ZNF441: variants seen among roughly 807,000 people sequenced by gnomAD.
The protein encoded by ZNF441 is zinc finger protein 441.
ZNF441 carries 25 observed loss-of-function variants against 64.5 expected under a neutral mutation model. The ratio of observed to expected loss-of-function variants is 0.39; its 90% CI spans 0.28 to 0.54. ZNF441 has a LOEUF of 0.54. Ranked by LOEUF, ZNF441 falls within the 20% of genes least tolerant of loss-of-function variation. ZNF441 has a pLI of 0.70. For synonymous variants in ZNF441, 262 were observed against 268.0 expected (o/e 0.98, Z 0.22); for missense variants, 715 against 843.3 (o/e 0.85, Z 1.88).
In ZNF441 at chr19:11,772,731, G is replaced by A. The variant is rs901768611; in HGVS notation, c.4-4880G>A. On this transcript the variant is annotated intron_variant, in intron 1 of 3. Transcript: ENST00000357901. Reference sequence around the variant, plus strand: ...TACAGAAAACACAAAAAATTAGCAGGATGGGGTGGCACATCCAGCCACTCA... The same window carrying A: ...TACAGAAAACACAAAAAATTAGCAGAATGGGGTGGCACATCCAGCCACTCA... Among the ~76,000 whole-genome samples, 3 of 152,106 alleles carry A rather than the reference G, an allele frequency of 2.0e-5. No homozygotes were observed. The South Asian group carries it at 6.2e-4, about 32-fold the overall frequency.
chr19:11,778,966 C>T (rs2046645063), intron 3 of ZNF441, among the ~76,000 whole-genome samples: 1 of 152,148 alleles, frequency 6.6e-6, no homozygotes, highest in South Asian at 2.1e-4. Context: ...CCTTGTACAT[C>T]ATTCTGTCCA....
rs550069555 is a variant in ZNF441 at position 11,779,984 on chromosome 19, C to T, written c.195-35C>T. On this transcript the variant is annotated intron_variant, in intron 3 of 3. Transcript: ENST00000357901. Reference sequence around the variant, plus strand: ...TTATTAATACAAAATCATTTATAAACAAACCTTTACTAATGTACTTCTTAT... The same window carrying T: ...TTATTAATACAAAATCATTTATAAATAAACCTTTACTAATGTACTTCTTAT... The T allele has an allele frequency of 1.1e-3, 1,545 of 1,466,398 alleles. 28 individuals carry two copies. In the South Asian group the frequency reaches 0.018, roughly 17 times the overall value. 90.8% of individuals were successfully genotyped at this position (1,466,398 alleles called of 1,614,324 possible).
At chr19:11,770,762 T>G (rs540092486) in intron 1 of ZNF441, among the ~76,000 whole-genome samples, 8 of 152,182 alleles carry the variant, frequency 5.3e-5, no homozygotes, top group Admixed American at 5.2e-4. Context: ...TAATTTTTTG[T>G]GTTTTCTGTA....
chr19:11,767,560 C>T lies in ZNF441; in HGVS notation c.3+364C>T, dbSNP rs1366624291. Among the ~76,000 whole-genome samples, 3 of 152,068 alleles carry T rather than the reference C, an allele frequency of 2.0e-5. No homozygotes were observed. The highest frequency in any genetic ancestry group is 1.3e-4 in the Admixed American group (2 of 15,276). ...TTAATAGGGGGAGAGGGGAGGACAC[C>T]CCAGATCCGCCTTCCTGAGAGGTTT... On this transcript the variant is annotated intron_variant, in intron 1 of 3. Transcript: ENST00000357901. The surrounding 1 kb of genome is among the most constrained non-coding windows in gnomAD (Gnocchi z 5.1).
intron 1 of ZNF441, among the ~76,000 whole-genome samples, chr19:11,773,436 G>T (rs1360222040): frequency 1.3e-5 from 2 of 152,152 alleles, no homozygotes; most frequent in African/African-American, 2.4e-5. Context: ...TAAAATGAAA[G>T]AATCTGTAAA....
In ZNF441 at chr19:11,780,106, C is replaced by T. The variant is rs33949590; in HGVS notation, c.282C>T (p.Asn94=). ...PFTQTQDSIV[N]EKIPGVDPWE... ...CCCAGACTCAAGACAGTATTGTGAACGAGAAAATACCTGGAGTAGATCCAT... is the reference window on the plus strand; with the variant it reads ...CCCAGACTCAAGACAGTATTGTGAATGAGAAAATACCTGGAGTAGATCCAT... Residue 94 remains asparagine, a synonymous_variant, in exon 4 of 4, where the codon AAC becomes AAT. Coordinates refer to ENST00000357901, the MANE Select transcript of ZNF441 (RefSeq NM_152355.3). 0.075 allele frequency: 120,876 copies of T among 1,613,944 alleles called. 5,140 individuals are homozygous for T. The highest frequency in any genetic ancestry group is 0.098 in the Middle Eastern group (596 of 6,062).
At chr19:11,771,280 T>C (rs1232556353) in intron 1 of ZNF441, among the ~76,000 whole-genome samples, 1 of 152,136 alleles carries the variant, frequency 6.6e-6, no homozygotes, top group Non-Finnish European at 1.5e-5. Context: ...ATAAATTACA[T>C]GGAATGGACC....
At chr19:11,777,970 A>G (rs1975368140) in intron 2 of ZNF441, 2 of 429,542 alleles carry the variant, frequency 4.7e-6, no homozygotes, top group South Asian at 6.6e-5. Context: ...TGTCATATGT[A>G]TTACATGCTA....
At chr19:11,768,624 A>T (rs1024353625) in intron 1 of ZNF441, among the ~76,000 whole-genome samples, 4 of 152,228 alleles carry the variant, frequency 2.6e-5, no homozygotes, top group Non-Finnish European at 5.9e-5. Context: ...AGTGAATATC[A>T]GTCCCTTTGT....
Position 11,778,366 on chromosome 19 carries a change from A to T in ZNF441, c.167A>T (p.Gln56Leu), listed in dbSNP as rs1042953119. The T allele has an allele frequency of 1.2e-5, 18 of 1,547,780 alleles. No homozygotes were observed. Among genetic ancestry groups the T allele is most frequent in the African/African-American group, 2.7e-5 (2 of 72,844 alleles). The change falls in exon 3 of 4, where the codon CAG becomes CTG. Residue 56 changes from glutamine to leucine, a missense_variant. Physicochemically the swap from Gln to Leu is moderately radical, Grantham distance 113. Transcript: ENST00000357901. ...IWQNHDIEED[Q>L]YKDLRRNLRC... ...CAAAATCATGATATAGAAGAAGATCAGTACAAAGATCTCAGAAGAAATCTA... is the reference window on the plus strand; with the variant it reads ...CAAAATCATGATATAGAAGAAGATCTGTACAAAGATCTCAGAAGAAATCTA...
At chr19:11,772,267 C>T (rs1222518197) in intron 1 of ZNF441, among the ~76,000 whole-genome samples, 2 of 152,218 alleles carry the variant, frequency 1.3e-5, no homozygotes, top group Non-Finnish European at 1.5e-5. Flanking sequence ...CTGGTCTCCG[C>T]ACATTGGTGG....
Position 11,782,128 on chromosome 19 carries a change from A to G in ZNF441, c.*222A>G, listed in dbSNP as rs897134016. 21 of 404,380 alleles carry G rather than the reference A, an allele frequency of 5.2e-5. No individual in the cohort carries two copies. Among genetic ancestry groups the G allele is most frequent in the Non-Finnish European group, 8.3e-5 (19 of 228,182 alleles). 25.0% of individuals were successfully genotyped at this position (404,380 alleles called of 1,614,324 possible). A position where few individuals can be genotyped will look rare whatever the true frequency, so the allele number is the denominator to read the frequency against. ...ATGAAAAAACTTTCTTTGTCTAGCA[A>G]ACTTTCAAAGGTGGTTATTATAACA... On this transcript the variant is annotated 3_prime_UTR_variant, in exon 4 of 4. Transcript: ENST00000357901.
chr19:11,780,085 G>T lies in ZNF441; in HGVS notation c.261G>T (p.Gln87His). 6.2e-7 allele frequency: 1 copy of T among 1,614,126 alleles called. No homozygotes were observed. Among genetic ancestry groups the T allele is most frequent in the Middle Eastern group, 1.6e-4 (1 of 6,062 alleles). ...GTCAATGTGGAGGACCCTTTACCCA[G>T]ACTCAAGACAGTATTGTGAACGAGA... ...DNSQCGGPFTQTQDSIVNEKI... is the reference protein window; with the variant it reads ...DNSQCGGPFTHTQDSIVNEKI... Residue 87 changes from glutamine to histidine, a missense_variant, in exon 4 of 4, where the codon CAG becomes CAT. This residue lies in a region of ZNF441 where 399 missense variants were observed against 413.9 expected (regional missense o/e 0.96). Coordinates refer to ENST00000357901, the MANE Select transcript of ZNF441 (RefSeq NM_152355.3).
chr19:11,768,841 A>G (rs1788274070), intron 1 of ZNF441, among the ~76,000 whole-genome samples: 1 of 152,210 alleles, frequency 6.6e-6, no homozygotes, highest in South Asian at 2.1e-4. Flanking sequence ...GACAGGACTG[A>G]AATGATTCTT....
At chr19:11,770,572 T>C (rs1975305287) in intron 1 of ZNF441, among the ~76,000 whole-genome samples, 1 of 152,120 alleles carries the variant, frequency 6.6e-6, no homozygotes, top group South Asian at 2.1e-4. Flanking sequence ...CTTGGGACTT[T>C]TTGTTTGTTT....
intron 1 of ZNF441, among the ~76,000 whole-genome samples, chr19:11,773,271 A>C (rs1975329930): frequency 6.6e-6 from 1 of 152,068 alleles, no homozygotes; most frequent in Admixed American, 6.6e-5. Context: ...TGTTTCTGTT[A>C]TTTATTGCTA....
intron 1 of ZNF441, among the ~76,000 whole-genome samples, chr19:11,774,856 A>G (rs1289622427): frequency 6.6e-6 from 1 of 152,186 alleles, no homozygotes; most frequent in Non-Finnish European, 1.5e-5. Flanking sequence ...TGTGTTGTAA[A>G]GCAGACATTT....
Position 11,781,730 on chromosome 19 carries a change from G to T in ZNF441, c.1906G>T (p.Val636Phe). 2 of 1,614,054 alleles carry T rather than the reference G, an allele frequency of 1.2e-6. No individual in the cohort carries two copies. Among genetic ancestry groups the T allele is most frequent in the Non-Finnish European group, 1.7e-6 (2 of 1,179,946 alleles). The change falls in exon 4 of 4, where the codon GTT becomes TTT. Residue 636 changes from valine to phenylalanine, a missense_variant. Val to Phe is a conservative substitution (Grantham distance 50). Coordinates refer to ENST00000357901, the MANE Select transcript of ZNF441 (RefSeq NM_152355.3). ...AAGTTACTTACGAATACACGAAAGA[G>T]TTCATACTGGAGAGAAGCCGTATAA... is the stretch of plus-strand genomic sequence containing the variant. Reference protein sequence around the residue: ...HSSYLRIHERVHTGEKPYKCK... With the variant: ...HSSYLRIHERFHTGEKPYKCK...
chr19:11,773,254 T>C (rs754549299), intron 1 of ZNF441, among the ~76,000 whole-genome samples: 1 of 152,234 alleles, frequency 6.6e-6, no homozygotes, highest in Non-Finnish European at 1.5e-5. Context: ...TTTAGGCTTT[T>C]CAAGTATGTT....
Sources: allele counts gnomAD v4.1 joint callset (sites outside exome capture counted in the v4.1 genomes callset), GRCh38; gene constraint gnomAD v4.1.1; regional missense constraint gnomAD v4.1.1; non-coding constraint Gnocchi (gnomAD v3.1); transcripts MANE v1.5; gene names NCBI Gene and HGNC (gene_info 2026-07-23, HGNC 2026-07-21).